VEGFB: variants seen among roughly 807,000 people sequenced by gnomAD.
VEGFB encodes VEGF-related factor.
In VEGFB, 24 loss-of-function variants were observed where a neutral mutation model predicts 22.5. The observed-to-expected ratio is 1.07, with a 90% CI of 0.77 to 1.50. VEGFB has a LOEUF of 1.50. Among genes scored for constraint, VEGFB ranks in the 40% most tolerant of loss-of-function variants. The pLI is 0.00. For missense variants in VEGFB, 327 were observed against 287.8 expected, an observed-to-expected ratio of 1.14 and a Z score of -0.99; for synonymous variants, 141 against 117.4, an observed-to-expected ratio of 1.20 and a Z score of -1.30.
intron 4 of VEGFB, among the ~76,000 whole-genome samples, chr11:64,236,886 C>G (rs1018381719): frequency 4.0e-5 from 6 of 149,128 alleles, no homozygotes; most frequent in South Asian, 2.1e-4. Flanking sequence ...TGAGACCAGC[C>G]TGGCCAACAT....
rs367680853 is a variant in VEGFB at position 64,235,361 on chromosome 11, G to A, written c.61-97G>A. The A allele has an allele frequency of 3.7e-5, 42 of 1,145,430 alleles. 1 individual carries two copies. In the African/African-American group the frequency reaches 5.4e-4, roughly 15 times the overall value. 71.0% of individuals were successfully genotyped at this position (1,145,430 alleles called of 1,614,324 possible). A position where few individuals can be genotyped will look rare whatever the true frequency, so the allele number is the denominator to read the frequency against. ...AATCTGGAAAGATGTCAGAGAGGTG[G>A]TGAAGCCTACTGATGCAAGGGCAAA... On this transcript the variant is annotated intron_variant, in intron 1 of 6. Transcript: ENST00000309422.
chr11:64,237,743 A>G, intron 6 of VEGFB, 88 bp downstream of exon 6: 1 of 1,230,452 alleles, frequency 8.1e-7, no homozygotes, highest in Non-Finnish European at 1.1e-6. Context: ...CAGTAGGAGG[A>G]GGGCCAGGGA....
intron 4 of VEGFB, among the ~76,000 whole-genome samples, chr11:64,236,914 A>C (rs915745165): frequency 3.4e-5 from 5 of 146,646 alleles, no homozygotes; most frequent in South Asian, 4.5e-4. Flanking sequence ...CCCCATCTCT[A>C]CTAAAAAAAA....
Position 64,234,864 on chromosome 11 carries a change from GC to G in VEGFB, c.33del (p.Ala12HisfsTer28). On this transcript the variant is annotated frameshift_variant, in exon 1 of 7. Transcript: ENST00000309422. LOFTEE classifies it high-confidence loss of function. This position sits in a 1 kb window ranked among gnomAD's most constrained non-coding sequence, Gnocchi z 5.3. Reference sequence around the variant, plus strand: ...CCCTCTGCTCCGCCGCCTGCTGCTCGCCGCACTCCTGCAGCTGGCCCCCGCC... The same window carrying G: ...CCCTCTGCTCCGCCGCCTGCTGCTCGCGCACTCCTGCAGCTGGCCCCCGCC... Reference protein sequence around the residue: MSPLLRRLLLAALLQLAPAQA... With the variant: MSPLLRRLLLXALLQLAPAQA... 7.7e-7 allele frequency: 1 copy of G among 1,294,894 alleles called. No homozygotes were observed. Among genetic ancestry groups the G allele is most frequent in the South Asian group, 2.2e-5 (1 of 44,672 alleles). 80.2% of individuals were successfully genotyped at this position (1,294,894 alleles called of 1,614,324 possible).
rs2030263147 is a variant in VEGFB, at chr11:64,238,586, G to C, written c.*253G>C. 1 of 629,154 alleles carries C rather than the reference G, an allele frequency of 1.6e-6. No individual in the cohort carries two copies. 39.0% of individuals were successfully genotyped at this position (629,154 alleles called of 1,614,324 possible). ...CAAACAGGACAGAGTTGGAAGAGGA[G>C]ACTGGGAGGCAGCAAGAGGGGTCAC... On this transcript the variant is annotated 3_prime_UTR_variant, in exon 7 of 7. Transcript: ENST00000309422.
chr11:64,237,895 G>C (rs2030221675), intron 6 of VEGFB: 2 of 519,666 alleles, frequency 3.8e-6, no homozygotes, highest in Non-Finnish European at 6.8e-6. Context: ...GGGCTGTGGT[G>C]AGGGGTACCT....
Position 64,237,113 on chromosome 11 carries a change from G to A in VEGFB, c.375-74G>A, listed in dbSNP as rs1205110617. ...AGAGAGAGAGAGAGAGAGAGAGAGAGAGAGAGAGAGTAGGATGCTGGGATT... is the reference window on the plus strand; with the variant it reads ...AGAGAGAGAGAGAGAGAGAGAGAGAAAGAGAGAGAGTAGGATGCTGGGATT... On this transcript the variant is annotated intron_variant, in intron 4 of 6. Coordinates refer to ENST00000309422, the MANE Select transcript of VEGFB (RefSeq NM_003377.5). 92 of 687,792 alleles carry A rather than the reference G, an allele frequency of 1.3e-4. 6 individuals are homozygous for A. The African/African-American group carries it at 1.7e-3, about 13-fold the overall frequency. 42.6% of individuals were successfully genotyped at this position (687,792 alleles called of 1,614,324 possible). A position where few individuals can be genotyped will look rare whatever the true frequency, so the allele number is the denominator to read the frequency against.
intron 4 of VEGFB, 67 bp from the exon 5 acceptor site, chr11:64,237,120 A>AGAGAGAGAGAGAGAGAGAGAGAGAGAGT (rs2030135177): frequency 2.1e-6 from 2 of 966,582 alleles, no homozygotes; most frequent in African/African-American, 1.6e-5. Context: ...AGAGAGAGAG[A>AGAGAGAGAGAGAGAGAGAGAGAGAGAGT]GAGTAGGATG....
chr11:64,237,279 A>T, intron 5 of VEGFB, 57 bp downstream of exon 5: 3 of 1,553,334 alleles, frequency 1.9e-6, no homozygotes, highest in Non-Finnish European at 2.7e-6. Flanking sequence ...TGAGTCCAGA[A>T]GCTGTTGCTC....
At chr11:64,235,295 G>C (rs1015653276) in intron 1 of VEGFB, among the ~76,000 whole-genome samples, 163 bp from the exon 2 acceptor site, 1 of 152,374 alleles carries the variant, frequency 6.6e-6, no homozygotes, top group African/African-American at 2.4e-5. Flanking sequence ...GTGGCCAGGA[G>C]AGGACAGGTA....
At chr11:64,236,867 T>G (rs1031089205) in intron 4 of VEGFB, among the ~76,000 whole-genome samples, 1 of 147,786 alleles carries the variant, frequency 6.8e-6, no homozygotes, top group African/African-American at 2.5e-5. Context: ...TCACCTGAGG[T>G]AAGGCGTTTG....
At chr11:64,236,208 T>TTC (rs1044639841) in intron 3 of VEGFB, 46 bp from the exon 4 acceptor site, 2 of 1,604,214 alleles carry the variant, frequency 1.2e-6, no homozygotes, top group Non-Finnish European at 1.7e-6. Context: ...AGCATCCCCT[T>TTC]TCTCTCTCTC....
chr11:64,235,593 A>ATT, intron 2 of VEGFB, 93 bp downstream of exon 2: 1 of 1,395,906 alleles, frequency 7.2e-7, no homozygotes, highest in Non-Finnish European at 1.0e-6. Flanking sequence ...TAACTCCCCT[A>ATT]GAAGATTCAA....
chr11:64,238,230 G>T, intron 6 of VEGFB, 126 bp from the exon 7 acceptor site: 1 of 1,240,530 alleles, frequency 8.1e-7, no homozygotes, highest in Non-Finnish European at 1.1e-6. Context: ...GCAGCCTCCA[G>T]TGCCCAGGGC....
rs370345720 is a variant in VEGFB at position 64,237,036 on chromosome 11, C to G, written c.375-151C>G. On this transcript the variant is annotated intron_variant, in intron 4 of 6. Coordinates refer to ENST00000309422, the MANE Select transcript of VEGFB (RefSeq NM_003377.5). ...AGGCGGAGGTTGCAGTGAGCCGAGA[C>G]CACGCCACTGCACTCCAGCCTGGGC... 9 of 603,556 alleles carry G rather than the reference C, an allele frequency of 1.5e-5. 1 individual carries two copies. The East Asian group carries it at 1.8e-4, about 12-fold the overall frequency. The allele number at this position is 603,556 out of a possible 1,614,324, so 37.4% of individuals were successfully genotyped here. A position where few individuals can be genotyped will look rare whatever the true frequency, so the allele number is the denominator to read the frequency against.
Position 64,237,424 on chromosome 11 carries a change from G to T in VEGFB, c.415G>T (p.Ala139Ser), listed in dbSNP as rs2030178526. The change falls in exon 6 of 7, where the codon GCC (alanine) becomes TCC (serine). Residue 139 changes from alanine to serine, a missense_variant. Transcript: ENST00000309422. ...KDSAVKPDRA[A>S]TPHHRPQPRS... is the part of the protein sequence containing the mutation. Reference sequence around the variant, plus strand: ...CATGTCGCTTCTCCTCCCTAGGGCTGCCACTCCCCACCACCGTCCCCAGCC... The same window carrying T: ...CATGTCGCTTCTCCTCCCTAGGGCTTCCACTCCCCACCACCGTCCCCAGCC... 1 of 1,589,084 alleles carries T rather than the reference G, an allele frequency of 6.3e-7. No homozygotes were observed. Among genetic ancestry groups the T allele is most frequent in the Admixed American group, 1.7e-5 (1 of 58,996 alleles).
chr11:64,235,576 T>G, intron 2 of VEGFB, 76 bp downstream of exon 2: 2 of 1,488,010 alleles, frequency 1.3e-6, no homozygotes, highest in Admixed American at 3.4e-5. Flanking sequence ...GTGTCCATCA[T>G]CTTGTGTAAC....
rs533575532 is a variant in VEGFB, at chr11:64,236,801, G to A, written c.375-386G>A. 5.4e-5 allele frequency among the ~76,000 whole-genome samples: 8 copies of A among 148,032 alleles called. 1 individual carries two copies. Among genetic ancestry groups the A allele is most frequent in the African/African-American group, 1.2e-4 (5 of 40,694 alleles). ...GGCAACAAAGTAGGATGCTTGGGCC[G>A]GGGGTAGTGGCTCACACCTATAATC... On this transcript the variant is annotated intron_variant, in intron 4 of 6. Coordinates refer to ENST00000309422, the MANE Select transcript of VEGFB (RefSeq NM_003377.5).
intron 1 of VEGFB, among the ~76,000 whole-genome samples, chr11:64,235,099 G>A (rs1947233051): frequency 6.6e-6 from 1 of 151,972 alleles, no homozygotes; most frequent in Non-Finnish European, 1.5e-5. Context: ...CCACTCCTCC[G>A]CCCCACCCCG....
Sources: allele counts gnomAD v4.1 joint callset (sites outside exome capture counted in the v4.1 genomes callset), GRCh38; gene constraint gnomAD v4.1.1; non-coding constraint Gnocchi (gnomAD v3.1); transcripts MANE v1.5; gene names NCBI Gene and HGNC (gene_info 2026-07-23, HGNC 2026-07-21).